The following OSBPL10 variants were observed in gnomAD, a reference collection of about 807,000 sequenced individuals.
OSBPL10 encodes oxysterol-binding protein-related protein 10.
A neutral mutation model predicts 81.7 loss-of-function variants in OSBPL10; 49 were observed. The observed-to-expected ratio is 0.60, with a 90% CI of 0.48 to 0.76. The LOEUF (loss-of-function observed/expected upper bound fraction) is 0.76. OSBPL10 is among the 30% of genes least tolerant of loss of function. The pLI is 0.00. For synonymous variants in OSBPL10, 419 were observed against 383.6 expected (o/e 1.09, Z -1.08); for missense variants, 923 against 987.8 (o/e 0.93, Z 0.88).
intron 1 of OSBPL10, among the ~76,000 whole-genome samples, chr3:31,926,809 C>T (rs1216008285): frequency 2.0e-5 from 3 of 152,130 alleles, no homozygotes; most frequent in African/African-American, 7.2e-5. Flanking sequence ...CAGCCACCTA[C>T]AAAATCAAAG....
chr3:31,944,254 AT>A (rs1232322149), intron 1 of OSBPL10, among the ~76,000 whole-genome samples: 2 of 152,186 alleles, frequency 1.3e-5, no homozygotes, highest in Non-Finnish European at 2.9e-5. Context: ...TTTGTCTTCC[AT>A]AAAAGTCATA....
chr3:31,872,111 C>T (rs1398435680), intron 3 of OSBPL10, among the ~76,000 whole-genome samples: 1 of 152,196 alleles, frequency 6.6e-6, no homozygotes, highest in Non-Finnish European at 1.5e-5. Context: ...CAATCCCATA[C>T]CCCGGTGACT....
intron 3 of OSBPL10, among the ~76,000 whole-genome samples, chr3:31,867,563 G>A (rs959165354): frequency 3.9e-5 from 6 of 152,118 alleles, no homozygotes; most frequent in Non-Finnish European, 5.9e-5. Flanking sequence ...CCAACATGGT[G>A]AAACCCTGTC....
At chr3:32,036,625 C>T (rs1027141162) in intron 2 of OSBPL10, among the ~76,000 whole-genome samples, 1 of 152,060 alleles carries the variant, frequency 6.6e-6, no homozygotes, top group Non-Finnish European at 1.5e-5. Flanking sequence ...ATCTGAGAGA[C>T]GTTTCCACTA....
At chr3:32,017,958 G>A (rs1055501750) in intron 2 of OSBPL10, among the ~76,000 whole-genome samples, 1 of 151,952 alleles carries the variant, frequency 6.6e-6, no homozygotes, top group African/African-American at 2.4e-5. Flanking sequence ...AGACCAGCCT[G>A]GCCAACATGG....
intron 4 of OSBPL10, among the ~76,000 whole-genome samples, chr3:31,762,630 A>ATTTTTTTTTTTTTTTTTTT (rs56311731): frequency 0.012 from 720 of 61,438 alleles, 173 homozygotes; most frequent in Middle Eastern, 0.023. Flanking sequence ...CATGCCCAGC[A>ATTTTTTTTTTTTTTTTTTT]TTTTTTTTTT....
At chr3:31,987,194 T>C (rs1378503836) in intron 2 of OSBPL10, among the ~76,000 whole-genome samples, 1 of 152,192 alleles carries the variant, frequency 6.6e-6, no homozygotes, top group African/African-American at 2.4e-5. Flanking sequence ...TTGTATATCA[T>C]TTTATTCAAA....
chr3:31,673,560 G>A (rs1215377439), intron 8 of OSBPL10, among the ~76,000 whole-genome samples: 1 of 152,118 alleles, frequency 6.6e-6, no homozygotes, highest in Non-Finnish European at 1.5e-5. Flanking sequence ...CTGTAGAGAA[G>A]GCTAGCATTT....
intron 1 of OSBPL10, among the ~76,000 whole-genome samples, chr3:32,067,874 C>G (rs952677202): frequency 3.3e-5 from 5 of 152,192 alleles, no homozygotes; most frequent in African/African-American, 1.2e-4. Flanking sequence ...AATAAACAGT[C>G]TTGTTGCTCA....
intron 2 of OSBPL10, among the ~76,000 whole-genome samples, chr3:32,037,080 G>C (rs1156444492): frequency 6.6e-6 from 1 of 152,160 alleles, no homozygotes; most frequent in Admixed American, 6.5e-5. Flanking sequence ...CCACTGCCTA[G>C]CCCAGGGGCA....
At chr3:31,999,766 A>C (rs546720714) in intron 2 of OSBPL10, among the ~76,000 whole-genome samples, 122 of 152,254 alleles carry the variant, frequency 8.0e-4, no homozygotes, top group African/African-American at 2.8e-3. Flanking sequence ...ACCTTTTCCA[A>C]GGCATGCCCA....
chr3:31,820,412 T>A (rs1462479346), intron 4 of OSBPL10, among the ~76,000 whole-genome samples: 1 of 152,032 alleles, frequency 6.6e-6, no homozygotes, highest in South Asian at 2.1e-4. Flanking sequence ...CTGGCCAATA[T>A]GGTGAAACCC....
chr3:31,749,181 G>A (rs1697633110), intron 4 of OSBPL10, among the ~76,000 whole-genome samples: 1 of 152,210 alleles, frequency 6.6e-6, no homozygotes, highest in Non-Finnish European at 1.5e-5. Flanking sequence ...TTGTCACCAT[G>A]ATGTCACCAG....
chr3:31,930,878 G>A (rs1262610975), intron 1 of OSBPL10, among the ~76,000 whole-genome samples: 1 of 151,682 alleles, frequency 6.6e-6, no homozygotes, highest in Non-Finnish European at 1.5e-5. Flanking sequence ...GCTGGGCGTG[G>A]TGGCAGGCAC....
intron 1 of OSBPL10, among the ~76,000 whole-genome samples, chr3:32,053,489 T>C (rs1699683892): frequency 6.6e-6 from 1 of 152,206 alleles, no homozygotes; most frequent in Non-Finnish European, 1.5e-5. Context: ...CTTAGAGCAC[T>C]AATCTGCTCT....
intron 1 of OSBPL10, among the ~76,000 whole-genome samples, chr3:31,935,855 G>C (rs1213636204): frequency 6.6e-6 from 1 of 152,138 alleles, no homozygotes; most frequent in East Asian, 1.9e-4. Flanking sequence ...GAAAGGGAAA[G>C]GAAATAGGTT....
At chr3:32,029,334 A>AG (rs1699446001) in intron 2 of OSBPL10, among the ~76,000 whole-genome samples, 1 of 151,864 alleles carries the variant, frequency 6.6e-6, no homozygotes, top group Admixed American at 6.6e-5. Context: ...ATTATACTCT[A>AG]AGTTTTAGGG....
At chr3:31,731,312 T>C (rs1018302724) in intron 6 of OSBPL10, among the ~76,000 whole-genome samples, 1 of 152,132 alleles carries the variant, frequency 6.6e-6, no homozygotes, top group Non-Finnish European at 1.5e-5. Context: ...CCATAAGACT[T>C]TCCCTACTAC....
intron 8 of OSBPL10, 90 bp from the exon 9 acceptor site, chr3:31,671,073 C>A (rs1300842406): frequency 8.0e-7 from 1 of 1,256,134 alleles, no homozygotes. Context: ...AACCAAAGAG[C>A]CTCCTGCACA....
Sources: gnomAD v4.1 joint callset for allele counts (sites outside exome capture counted in the v4.1 genomes callset) on GRCh38, gnomAD v4.1.1 for gene constraint, MANE v1.5 for transcripts, NCBI Gene and HGNC (gene_info 2026-07-23, HGNC 2026-07-21) for gene names.